The following MTFR1 variants were observed in gnomAD, a reference collection of about 807,000 sequenced individuals.
The protein encoded by MTFR1 is mitochondrial fission regulator 1.
A neutral mutation model predicts 38.8 loss-of-function variants in MTFR1; 28 were observed. The ratio of observed to expected loss-of-function variants is 0.72; its 90% confidence interval spans 0.53 to 0.99. The LOEUF is 0.99. Ranked by LOEUF, MTFR1 falls within the 50% of genes least tolerant of loss-of-function variation. The pLI, the probability that MTFR1 is intolerant of heterozygous loss-of-function variation, is 0.00. For synonymous variants in MTFR1, 145 were observed against 137.0 expected (o/e 1.06, Z -0.41); for missense variants, 358 against 395.5 (o/e 0.91, Z 0.81).
chr8:65,664,138 A>G (rs1288710946), intron 1 of MTFR1, among the ~76,000 whole-genome samples: 1 of 151,974 alleles, frequency 6.6e-6, no homozygotes, highest in Non-Finnish European at 1.5e-5. Context: ...TTCTATTAAA[A>G]CTATATATAT....
At chr8:65,656,266 G>A (rs35524385) in intron 1 of MTFR1, among the ~76,000 whole-genome samples, 29,223 of 151,514 alleles carry the variant, frequency 0.19, 2,980 homozygotes, top group Middle Eastern at 0.23. Flanking sequence ...GGAAAGTAGC[G>A]TTTACACCAT....
At chr8:65,714,794 A>G (rs2129061598), downstream of MTFR1, 1 of 152,334 alleles carries the variant, frequency 6.6e-6, no homozygotes, top group South Asian at 2.1e-4. Context: ...CCAAGAAAGC[A>G]TTTTGGAAAA....
chr8:65,719,566 A>G (rs1157535856), intron 3 of MTFR1: 2 of 975,066 alleles, frequency 2.1e-6, no homozygotes, highest in East Asian at 2.5e-5. Flanking sequence ...CATCTATACA[A>G]CATTAACCTT....
At chr8:65,681,389 G>A (rs1394288796) in intron 2 of MTFR1, among the ~76,000 whole-genome samples, 3 of 152,304 alleles carry the variant, frequency 2.0e-5, no homozygotes, top group African/African-American at 7.2e-5. Context: ...CAAAGTGCTG[G>A]GATTACAGGC....
chr8:65,771,906 A>AAG (rs1809104939), downstream of MTFR1, among the ~76,000 whole-genome samples: 2 of 145,730 alleles, frequency 1.4e-5, no homozygotes, highest in African/African-American at 5.4e-5. Context: ...AAAAAAAAAA[A>AAG]AGAAGAAGAA....
At chr8:65,696,812 C>T (rs573263542) in intron 4 of MTFR1, among the ~76,000 whole-genome samples, 2 of 151,582 alleles carry the variant, frequency 1.3e-5, no homozygotes, top group East Asian at 3.9e-4. Flanking sequence ...AGGTATGTGC[C>T]ACCATACCTG....
At chr8:65,700,628 G>A (rs575946247) in intron 4 of MTFR1, among the ~76,000 whole-genome samples, 83 of 152,240 alleles carry the variant, frequency 5.5e-4, no homozygotes, top group African/African-American at 1.9e-3. Context: ...CGTATAGTCT[G>A]TGAAAGGAAA....
At chr8:65,725,238 T>G (rs1806563635) in intron 3 of MTFR1, 1 of 174,978 alleles carries the variant, frequency 5.7e-6, no homozygotes, top group African/African-American at 2.4e-5. Flanking sequence ...TGGTTGTTTT[T>G]TGAGAAAGTT....
intron 1 of MTFR1, among the ~76,000 whole-genome samples, chr8:65,662,054 CCT>C (rs1211939532): frequency 1.2e-5 from 1 of 86,658 alleles, no homozygotes; most frequent in Non-Finnish European, 2.6e-5. Flanking sequence ...TCTCTCTCTC[CCT>C]CTCTCTCTCC....
intron 3 of MTFR1, among the ~76,000 whole-genome samples, chr8:65,759,050 A>C (rs1393057677): frequency 6.6e-6 from 1 of 152,234 alleles, no homozygotes; most frequent in East Asian, 1.9e-4. Context: ...ACACTGCTGC[A>C]GTACCCCCAG....
At chr8:65,725,548 C>G (rs1266272273) in intron 3 of MTFR1, 3 of 153,750 alleles carry the variant, frequency 2.0e-5, no homozygotes, top group Non-Finnish European at 4.4e-5. Flanking sequence ...ATACATACAT[C>G]ATTTATAAAA....
At chr8:65,774,541 A>G (rs533495854), downstream of MTFR1, among the ~76,000 whole-genome samples, 2 of 152,134 alleles carry the variant, frequency 1.3e-5, no homozygotes, top group East Asian at 1.9e-4. Flanking sequence ...AAAATTATTG[A>G]CAACCCAAAT....
intron 2 of MTFR1, chr8:65,718,600 C>T (rs1201839171): frequency 6.6e-6 from 1 of 152,386 alleles, no homozygotes; most frequent in East Asian, 1.9e-4. Context: ...CCAAACGGCA[C>T]TGGAGTGAAA....
downstream of MTFR1, among the ~76,000 whole-genome samples, chr8:65,713,176 C>G (rs970639928): frequency 1.3e-5 from 2 of 152,212 alleles, no homozygotes; most frequent in African/African-American, 2.4e-5. Context: ...TGCCGTGGCT[C>G]ACGCCTATAA....
chr8:65,739,177 C>G (rs954114256), intron 3 of MTFR1, among the ~76,000 whole-genome samples: 12 of 152,290 alleles, frequency 7.9e-5, no homozygotes, highest in African/African-American at 2.9e-4. Flanking sequence ...TGCCAAACTC[C>G]TCTGCTTCTT....
chr8:65,753,131 C>G (rs1233093892), intron 3 of MTFR1, among the ~76,000 whole-genome samples: 2 of 152,162 alleles, frequency 1.3e-5, no homozygotes, highest in Non-Finnish European at 2.9e-5. Flanking sequence ...CAGCACTATT[C>G]CATTAAGTGC....
intron 1 of MTFR1, among the ~76,000 whole-genome samples, chr8:65,662,002 C>CCTCTCCCTTTCT (rs1563435580): frequency 7.2e-6 from 1 of 139,114 alleles, no homozygotes; most frequent in East Asian, 2.8e-4. Context: ...AAGCCCTCTC[C>CCTCTCCCTTTCT]CTCTCCCTCT....
intron 3 of MTFR1, among the ~76,000 whole-genome samples, chr8:65,743,620 G>A (rs1807538816): frequency 6.6e-6 from 1 of 152,174 alleles, no homozygotes; most frequent in Admixed American, 6.6e-5. Context: ...AGAGAATAAT[G>A]GAGTGATACT....
At chr8:65,732,633 C>G (rs1165265100) in intron 3 of MTFR1, among the ~76,000 whole-genome samples, 1 of 152,138 alleles carries the variant, frequency 6.6e-6, no homozygotes, top group African/African-American at 2.4e-5. Flanking sequence ...TTTGAGTCAG[C>G]CTCCTAAGTA....
Sources: allele counts gnomAD v4.1 joint callset (sites outside exome capture counted in the v4.1 genomes callset), GRCh38; gene constraint gnomAD v4.1.1; transcripts MANE v1.5; gene names NCBI Gene and HGNC (gene_info 2026-07-23, HGNC 2026-07-21).